Variants in PTPRN2 observed in about 807,000 individuals in gnomAD.
PTPRN2 encodes the protein receptor-type tyrosine-protein phosphatase N2.
PTPRN2 carries 74 observed loss-of-function variants against 118.8 expected under a neutral mutation model. The observed-to-expected ratio is 0.62, with a 90% confidence interval of 0.52 to 0.76. PTPRN2 has a LOEUF of 0.76. Ranked by LOEUF, PTPRN2 falls within the 30% of genes least tolerant of loss-of-function variation. The pLI, the probability that PTPRN2 is intolerant of heterozygous loss-of-function variation, is 0.00. For missense variants in PTPRN2, 1,481 were observed against 1,394.4 expected, an observed-to-expected ratio of 1.06 and a Z score of -0.99; for synonymous variants, 641 against 608.0, an observed-to-expected ratio of 1.05 and a Z score of -0.80.
rs1180926657 is a variant in PTPRN2, at chr7:157,619,817, C to G, written c.2344+1545G>C. Reference sequence around the variant, plus strand: ...AAGGAGGGCAAGGGCAGTGCCTCTCCCTGGCGTGGGGGGCTGTGCTGCTGG... The same window carrying G: ...AAGGAGGGCAAGGGCAGTGCCTCTCGCTGGCGTGGGGGGCTGTGCTGCTGG... On this transcript the variant is annotated intron_variant, in intron 15 of 22. Transcript: ENST00000389418. This position sits in a 1 kb window ranked among gnomAD's most constrained non-coding sequence, Gnocchi z 5.3. 2.0e-5 allele frequency among the ~76,000 whole-genome samples: 3 copies of G among 152,184 alleles called. No individual in the cohort carries two copies. The East Asian group carries it at 5.8e-4, about 29-fold the overall frequency.
intron 1 of PTPRN2, among the ~76,000 whole-genome samples, chr7:158,496,299 T>C (rs1322184753): frequency 3.4e-5 from 3 of 89,516 alleles, no homozygotes; most frequent in South Asian, 5.5e-4. Context: ...CCCCTCTCCC[T>C]TCCCTGCAGC....
chr7:158,008,007 CGTGTGA>C (rs930476703), intron 11 of PTPRN2, among the ~76,000 whole-genome samples: 8 of 116,648 alleles, frequency 6.9e-5, no homozygotes, highest in African/African-American at 2.4e-4. Flanking sequence ...TACTTGTGCA[CGTGTGA>C]GTGTGTGTGC....
At chr7:158,490,362 C>T (rs1041458134) in intron 1 of PTPRN2, among the ~76,000 whole-genome samples, 10 of 152,200 alleles carry the variant, frequency 6.6e-5, no homozygotes, top group Non-Finnish European at 1.3e-4. Flanking sequence ...AAGGCCAGCG[C>T]GGCTGGGCCA....
At chr7:157,886,328 T>G (rs12536629) in intron 12 of PTPRN2, among the ~76,000 whole-genome samples, 25,392 of 152,082 alleles carry the variant, frequency 0.17, 2,377 homozygotes, top group Admixed American at 0.26. Flanking sequence ...ATGCATATTT[T>G]TATAAAAATG....
chr7:157,759,945 A>T (rs1802031213), intron 12 of PTPRN2, among the ~76,000 whole-genome samples: 1 of 152,136 alleles, frequency 6.6e-6, no homozygotes. Context: ...CATCAGTGAG[A>T]ACCATAGTGT....
intron 11 of PTPRN2, among the ~76,000 whole-genome samples, chr7:157,926,831 C>T (rs573746065): frequency 6.6e-5 from 10 of 152,320 alleles, no homozygotes; most frequent in Admixed American, 3.3e-4. Flanking sequence ...GGGTAAGAGT[C>T]GCCTCCCCCT....
At chr7:157,686,293 T>G (rs528014913) in intron 12 of PTPRN2, among the ~76,000 whole-genome samples, 1 of 152,308 alleles carries the variant, frequency 6.6e-6, no homozygotes, top group African/African-American at 2.4e-5. Flanking sequence ...AGGAGGGTGA[T>G]GCGGAGGGAA....
chr7:158,442,277 G>A (rs902251788), intron 2 of PTPRN2, among the ~76,000 whole-genome samples: 1 of 152,096 alleles, frequency 6.6e-6, no homozygotes, highest in Non-Finnish European at 1.5e-5. Flanking sequence ...GCAAAGATGA[G>A]CTGAGAATGT....
intron 11 of PTPRN2, among the ~76,000 whole-genome samples, chr7:157,904,939 C>A (rs1429285941): frequency 6.6e-6 from 1 of 152,206 alleles, no homozygotes; most frequent in Non-Finnish European, 1.5e-5. Context: ...TGGTCCCCGG[C>A]ATCCTGTGGG....
chr7:157,576,571 C>G (rs770463128), intron 19 of PTPRN2, 42 bp downstream of exon 19: 1 of 1,555,218 alleles, frequency 6.4e-7, no homozygotes. Flanking sequence ...CTGTGCCGCG[C>G]GCTCAGCGCG....
At chr7:157,809,465 G>A (rs1388233199) in intron 12 of PTPRN2, among the ~76,000 whole-genome samples, 2 of 152,234 alleles carry the variant, frequency 1.3e-5, no homozygotes, top group Non-Finnish European at 2.9e-5. Flanking sequence ...ATGACACCAA[G>A]GCACTGTGGC....
intron 2 of PTPRN2, among the ~76,000 whole-genome samples, chr7:158,330,678 G>A (rs111455105): frequency 7.9e-5 from 7 of 88,848 alleles, no homozygotes; most frequent in African/African-American, 2.0e-4. Flanking sequence ...AAGAGCTGAG[G>A]CACAAAGAGG....
At chr7:158,485,037 GGGAGGGCACCTGC>G (rs1174447867) in intron 2 of PTPRN2, among the ~76,000 whole-genome samples, 2 of 152,066 alleles carry the variant, frequency 1.3e-5, no homozygotes, top group Non-Finnish European at 2.9e-5. Flanking sequence ...CCAGCGTCCC[GGGAGGGCACCTGC>G]GGAGGGAAGG....
intron 11 of PTPRN2, among the ~76,000 whole-genome samples, chr7:157,948,898 T>C (rs1446362715): frequency 6.6e-6 from 1 of 152,206 alleles, no homozygotes; most frequent in Non-Finnish European, 1.5e-5. Flanking sequence ...ATGCAGATTT[T>C]TTTCAACCAA....
intron 12 of PTPRN2, among the ~76,000 whole-genome samples, chr7:157,897,899 G>A (rs1460120068): frequency 6.6e-6 from 1 of 152,270 alleles, no homozygotes; most frequent in African/African-American, 2.4e-5. Context: ...TCTCGAACGC[G>A]GGAGCGCAGA....
At chr7:158,564,295 A>G (rs1047253587) in intron 1 of PTPRN2, among the ~76,000 whole-genome samples, 5 of 152,268 alleles carry the variant, frequency 3.3e-5, no homozygotes, top group Admixed American at 3.3e-4. Context: ...GCTTATGCAA[A>G]CATCTTTGCA....
intron 11 of PTPRN2, among the ~76,000 whole-genome samples, chr7:158,056,852 C>T (rs548260538): frequency 7.9e-5 from 12 of 152,328 alleles, no homozygotes; most frequent in South Asian, 2.1e-4. Flanking sequence ...GGTCAGGGGA[C>T]GGTGAGTGGC....
intron 1 of PTPRN2, among the ~76,000 whole-genome samples, chr7:158,539,107 C>T (rs1167480537): frequency 6.6e-6 from 1 of 152,182 alleles, no homozygotes; most frequent in African/African-American, 2.4e-5. Flanking sequence ...GCACAGCCTG[C>T]AACGACCACA....
Position 157,953,575 on chromosome 7 carries a change from C to T in PTPRN2, c.1724-54838G>A, listed in dbSNP as rs746015469. Among the ~76,000 whole-genome samples, 6 of 152,120 alleles carry T rather than the reference C, an allele frequency of 3.9e-5. No homozygotes were observed. The highest frequency in any genetic ancestry group is 6.5e-5 in the Admixed American group (1 of 15,286). ...ACCTGGATCCACATGGCTGGAGGTCCGGTGTCCCTAAAGACTTCTATGACA... is the reference window on the plus strand; with the variant it reads ...ACCTGGATCCACATGGCTGGAGGTCTGGTGTCCCTAAAGACTTCTATGACA... On this transcript the variant is annotated intron_variant, in intron 11 of 22. Transcript: ENST00000389418. This position sits in a 1 kb window ranked among gnomAD's most constrained non-coding sequence, Gnocchi z 4.6.
Sources: gnomAD v4.1 joint callset for allele counts (sites outside exome capture counted in the v4.1 genomes callset) on GRCh38, gnomAD v4.1.1 for gene constraint, Gnocchi (gnomAD v3.1) non-coding constraint, MANE v1.5 for transcripts, NCBI Gene and HGNC (gene_info 2026-07-23, HGNC 2026-07-21) for gene names.